ARHGAP15: variants seen among roughly 807,000 people sequenced by gnomAD.
ARHGAP15 encodes rho GTPase-activating protein 15.
A neutral mutation model predicts 63.7 loss-of-function variants in ARHGAP15; 51 were observed. The observed-to-expected ratio is 0.80, with a 90% CI of 0.64 to 1.01. ARHGAP15 has a LOEUF of 1.01. Among genes scored for constraint, ARHGAP15 ranks in the 50% least tolerant of loss-of-function variants. The probability of loss-of-function intolerance (pLI) is 0.00; values close to 1 mark genes in which losing one functional copy is unlikely to be tolerated. For synonymous variants in ARHGAP15, 191 were observed against 193.8 expected, an observed-to-expected ratio of 0.99 and a Z score of 0.12; for missense variants, 560 against 564.6, an observed-to-expected ratio of 0.99 and a Z score of 0.08.
chr2:143,399,358 CAA>C (rs67293838), intron 6 of ARHGAP15, among the ~76,000 whole-genome samples: 4 of 151,228 alleles, frequency 2.6e-5, no homozygotes, highest in African/African-American at 9.7e-5. Flanking sequence ...AGCACTGAGG[CAA>C]AAAAATAAAA....
intron 6 of ARHGAP15, among the ~76,000 whole-genome samples, chr2:143,337,225 T>C (rs1684813948): frequency 6.9e-6 from 1 of 145,318 alleles, no homozygotes; most frequent in Non-Finnish European, 1.6e-5. Flanking sequence ...CCCAACTTGC[T>C]GGTCTAGCTG....
Position 143,232,538 on chromosome 2 carries a change from A to G in ARHGAP15, c.384+3870A>G, listed in dbSNP as rs181160701. Among the ~76,000 whole-genome samples the G allele has an allele frequency of 4.6e-5, 7 of 152,340 alleles. No individual in the cohort carries two copies. The East Asian group carries it at 1.3e-3, about 29-fold the overall frequency. On this transcript the variant is annotated intron_variant, in intron 5 of 13. Coordinates refer to ENST00000295095, the MANE Select transcript of ARHGAP15 (RefSeq NM_018460.4). The stretch of plus-strand genomic sequence containing the variant: ...AATATTATAAAATAATACAGAAACC[A>G]TTTTAAGTAAAATGTATAAAACATC...
chr2:143,523,452 A>G (rs1160761158), intron 10 of ARHGAP15, among the ~76,000 whole-genome samples: 1 of 152,072 alleles, frequency 6.6e-6, no homozygotes, highest in Non-Finnish European at 1.5e-5. Flanking sequence ...TTTGCAAGTT[A>G]TTTTCTTAAC....
chr2:143,428,605 A>G (rs1332319565), intron 6 of ARHGAP15, among the ~76,000 whole-genome samples: 1 of 152,024 alleles, frequency 6.6e-6, no homozygotes, highest in African/African-American at 2.4e-5. Context: ...AATTTTCATA[A>G]TAATATACAT....
intron 6 of ARHGAP15, among the ~76,000 whole-genome samples, chr2:143,282,947 C>T (rs1414356818): frequency 6.6e-6 from 1 of 152,040 alleles, no homozygotes; most frequent in Non-Finnish European, 1.5e-5. Flanking sequence ...GAAAACAATC[C>T]TTGTTGGGAG....
chr2:143,553,759 C>T lies in ARHGAP15; in HGVS notation c.926-2649C>T, dbSNP rs532615589. 5.9e-5 allele frequency among the ~76,000 whole-genome samples: 9 copies of T among 152,206 alleles called. 1 individual carries two copies. The South Asian group carries it at 1.9e-3, about 32-fold the overall frequency. The stretch of plus-strand genomic sequence containing the variant: ...GAAATTTATGAAAGACCAAGGAAAG[C>T]ACTTCTTATATTGTAACACTCTAAG... On this transcript the variant is annotated intron_variant, in intron 10 of 13. Transcript: ENST00000295095.
intron 11 of ARHGAP15, among the ~76,000 whole-genome samples, chr2:143,585,287 A>G (rs553069142): frequency 2.0e-4 from 30 of 152,346 alleles, no homozygotes; most frequent in African/African-American, 7.2e-4. Flanking sequence ...TGTCAAAAGA[A>G]TATTTACAAA....
intron 6 of ARHGAP15, among the ~76,000 whole-genome samples, chr2:143,270,972 TTA>T (rs745480374): frequency 6.6e-6 from 1 of 151,184 alleles, no homozygotes; most frequent in East Asian, 2.0e-4. Context: ...ACTGATCAAG[TTA>T]TGTTTTTCAA....
chr2:143,477,118 G>C (rs992794868), intron 8 of ARHGAP15, among the ~76,000 whole-genome samples: 3 of 151,808 alleles, frequency 2.0e-5, no homozygotes, highest in Non-Finnish European at 4.4e-5. Context: ...TTAATCACAG[G>C]TAACTCTTGG....
chr2:143,138,712 C>T (rs189152264), intron 1 of ARHGAP15, among the ~76,000 whole-genome samples: 27 of 152,132 alleles, frequency 1.8e-4, no homozygotes, highest in East Asian at 9.7e-4. Flanking sequence ...CTATCCAATA[C>T]GGTAGCAACT....
chr2:143,317,820 G>A (rs558686887), intron 6 of ARHGAP15, among the ~76,000 whole-genome samples: 4 of 152,190 alleles, frequency 2.6e-5, no homozygotes, highest in South Asian at 4.1e-4. Flanking sequence ...TTGCTCATCC[G>A]AAGCGGAAAG....
At chr2:143,611,514 A>G (rs1698253490) in intron 11 of ARHGAP15, among the ~76,000 whole-genome samples, 1 of 152,194 alleles carries the variant, frequency 6.6e-6, no homozygotes, top group Non-Finnish European at 1.5e-5. Context: ...ATAAAGTACC[A>G]AGCACAGCGG....
chr2:143,418,549 G>A (rs749049571), intron 6 of ARHGAP15, among the ~76,000 whole-genome samples: 1 of 152,060 alleles, frequency 6.6e-6, no homozygotes, highest in East Asian at 1.9e-4. Context: ...TTCCCAATAG[G>A]ATCTTCTGGA....
At chr2:143,571,742 C>A (rs1018381511) in intron 11 of ARHGAP15, 2 of 152,180 alleles carry the variant, frequency 1.3e-5, no homozygotes, top group African/African-American at 4.8e-5. Context: ...TACCCCACTC[C>A]CTCTTCTTGT....
intron 12 of ARHGAP15, among the ~76,000 whole-genome samples, chr2:143,691,545 G>A (rs1392913909): frequency 6.6e-6 from 1 of 152,096 alleles, no homozygotes; most frequent in African/African-American, 2.4e-5. Flanking sequence ...GCTATTATTG[G>A]TTATTCTCCT....
At chr2:143,466,054 T>A (rs570216236) in intron 8 of ARHGAP15, among the ~76,000 whole-genome samples, 2,138 of 147,900 alleles carry the variant, frequency 0.014, 29 homozygotes, top group Non-Finnish European at 0.024. Flanking sequence ...CATTCCAAAA[T>A]TTTTTTTTTT....
intron 11 of ARHGAP15, among the ~76,000 whole-genome samples, chr2:143,603,434 G>C (rs1399628330): frequency 1.3e-5 from 2 of 152,208 alleles, no homozygotes; most frequent in African/African-American, 4.8e-5. Context: ...CACCTGTAGA[G>C]AAAGTCAAAT....
intron 6 of ARHGAP15, among the ~76,000 whole-genome samples, chr2:143,293,989 A>G (rs1043180324): frequency 9.2e-5 from 14 of 152,030 alleles, no homozygotes; most frequent in African/African-American, 3.4e-4. Context: ...TGGAAATGTA[A>G]CTCAATGGTA....
intron 12 of ARHGAP15, among the ~76,000 whole-genome samples, chr2:143,665,248 C>T (rs1682096318): frequency 1.5e-5 from 2 of 135,364 alleles, no homozygotes; most frequent in African/African-American, 2.8e-5. Context: ...CCCTGGGATG[C>T]AAGGCTGGTT....
Sources: allele counts gnomAD v4.1 joint callset (sites outside exome capture counted in the v4.1 genomes callset), GRCh38; gene constraint gnomAD v4.1.1; transcripts MANE v1.5; gene names NCBI Gene and HGNC (gene_info 2026-07-23, HGNC 2026-07-21).